The following CDAN1 variants were observed in gnomAD, a reference collection of about 807,000 sequenced individuals.
CDAN1 encodes the protein codanin 1.
A neutral mutation model predicts 139.8 loss-of-function variants in CDAN1; 107 were observed. The observed-to-expected ratio is 0.77, with a 90% CI of 0.65 to 0.90. CDAN1 has a LOEUF of 0.90. CDAN1 is among the 40% of genes least tolerant of loss of function. CDAN1 has a pLI of 0.00. For missense variants in CDAN1, 1,667 were observed against 1,575.7 expected (o/e 1.06, Z -0.98); for synonymous variants, 776 against 660.6 (o/e 1.17, Z -2.68).
At chr15:42,732,071 G>A (rs991547214) in intron 10 of CDAN1, among the ~76,000 whole-genome samples, 28 of 152,204 alleles carry the variant, frequency 1.8e-4, no homozygotes, top group Admixed American at 1.8e-3. Context: ...TACTTACTAA[G>A]CCTGGGCTCT....
rs142872973 is a variant in CDAN1, at chr15:42,727,523, T to C, written c.3096+98A>G. On this transcript the variant is annotated intron_variant, in intron 23 of 27. Coordinates refer to ENST00000356231, the MANE Select transcript of CDAN1 (RefSeq NM_138477.4). ...CTAGCTGGACAGCACAGACAGCTTC[T>C]ACATAAAAATCCTGGAGCTGATGTG... is the stretch of plus-strand genomic sequence containing the variant. 3.5e-3 allele frequency: 4,081 copies of C among 1,162,940 alleles called. 57 individuals carry two copies. Among genetic ancestry groups the C allele is most frequent in the Non-Finnish European group, 2.1e-3 (1,769 of 836,546 alleles). 72.0% of individuals were successfully genotyped at this position (1,162,940 alleles called of 1,614,324 possible).
Position 42,730,620 on chromosome 15 carries a change from T to G in CDAN1, c.2152A>C (p.Thr718Pro). The change falls in exon 14 of 28, where the codon ACT becomes CCT. Residue 718 changes from threonine (T) to proline (P), a missense_variant. By Grantham distance (38) the Thr-to-Pro change is conservative. Around this residue, in one of 3 missense-constraint regions of CDAN1, gnomAD observed 936 missense variants for 844.1 expected, o/e 1.11. Transcript: ENST00000356231. Reference sequence around the variant, plus strand: ...CACCGGTGCAGGCGCAGCAGGAGAGTGAAGATGTCCCGGTAATATTCCAGC... The same window carrying G: ...CACCGGTGCAGGCGCAGCAGGAGAGGGAAGATGTCCCGGTAATATTCCAGC... ...PLLEYYRDIF[T>P]LLLRLHRSLV... 6.2e-7 allele frequency: 1 copy of G among 1,613,818 alleles called. No homozygotes were observed. The highest frequency in any genetic ancestry group is 1.3e-5 in the African/African-American group (1 of 74,920).
chr15:42,728,476 G>C (rs1346459360), intron 20 of CDAN1, among the ~76,000 whole-genome samples, 176 bp downstream of exon 20: 8 of 147,380 alleles, frequency 5.4e-5, no homozygotes, highest in Non-Finnish European at 1.1e-4. Flanking sequence ...ACCTAGGTTT[G>C]GCTTTTGTGC....
At position 42,729,603 on chromosome 15, in the gene CDAN1, T is replaced by G; in HGVS notation, c.2372A>C (p.Asp791Ala). 1 of 1,614,024 alleles carries G rather than the reference T, an allele frequency of 6.2e-7. No individual in the cohort carries two copies. The change falls in exon 17 of 28, where the codon GAC becomes GCC. Residue 791 changes from aspartate (D) to alanine (A), a missense_variant. Physicochemically the swap from Asp to Ala is moderately radical, Grantham distance 126 (BLOSUM62 -2). Transcript: ENST00000356231. Reference protein sequence around the residue: ...EHGLDNAPVVDQQLLYTCCPY... With the variant: ...EHGLDNAPVVAQQLLYTCCPY... The stretch of plus-strand genomic sequence containing the variant: ...GCAGCAGGTGTAGAGCAGCTGCTGG[T>G]CCACCACAGGCGCATTGTCCTGGGG...
At chr15:42,732,920 C>T (rs762102035) in intron 9 of CDAN1, among the ~76,000 whole-genome samples, 177 bp downstream of exon 9, 1 of 152,218 alleles carries the variant, frequency 6.6e-6, no homozygotes, top group Non-Finnish European at 1.5e-5. Context: ...TGGAGAGACA[C>T]ATCCCTTTCG....
Position 42,724,522 on chromosome 15 carries a change from G to A in CDAN1, c.3653C>T (p.Pro1218Leu), listed in dbSNP as rs1481281743. ...CTGGGCCAGCACAGTGCCCCGGTTT[G>A]GCTGCACCAACTCACAGGCTCTTAG... ...PQLRACELVQPNRGTVLAQS is the reference protein window; with the variant it reads ...PQLRACELVQLNRGTVLAQS The change falls in exon 28 of 28, where the codon CCA (proline) becomes CTA (leucine). Residue 1218 changes from proline (P) to leucine (L), a missense_variant. Transcript: ENST00000356231. 6.4e-7 allele frequency: 1 copy of A among 1,572,626 alleles called. No homozygotes were observed. Among genetic ancestry groups the A allele is most frequent in the Non-Finnish European group, 8.6e-7 (1 of 1,157,774 alleles).
chr15:42,728,136 C>T, intron 21 of CDAN1, 68 bp downstream of exon 21: 1 of 1,595,676 alleles, frequency 6.3e-7, no homozygotes, highest in Non-Finnish European at 8.6e-7. Flanking sequence ...CTCCCGCAGC[C>T]TCAGACTACT....
Position 42,724,624 on chromosome 15 carries a change from A to C in CDAN1, c.3559-8T>G, listed in dbSNP as rs1355353310. On this transcript the variant is annotated splice_polypyrimidine_tract_variant and splice_region_variant and intron_variant, in intron 27 of 27. Transcript: ENST00000356231. ...TAATTCTTCAGCAAAGTCCTGGAAT[A>C]CATAGAAAGATGAGGGAAAAGGCAG... 6.4e-7 allele frequency: 1 copy of C among 1,552,010 alleles called. No homozygotes were observed. Among genetic ancestry groups the C allele is most frequent in the Non-Finnish European group, 8.7e-7 (1 of 1,146,992 alleles).
Position 42,729,072 on chromosome 15 carries a change from C to CGGTCCGGCGCAA in CDAN1, c.2584_2595dup (p.Leu862_Thr865dup). 4 of 1,614,216 alleles carry CGGTCCGGCGCAA rather than the reference C, an allele frequency of 2.5e-6. No individual in the cohort carries two copies. Among genetic ancestry groups the CGGTCCGGCGCAA allele is most frequent in the Non-Finnish European group, 3.4e-6 (4 of 1,180,042 alleles). ...CCAATTCTTTCTGCCACGAACTCTACGGTCCGGCGCAAGGAGGGCGGCTGG... is the reference window on the plus strand; with the variant it reads ...CCAATTCTTTCTGCCACGAACTCTACGGTCCGGCGCAAGGTCCGGCGCAAGGAGGGCGGCTGG... On this transcript the variant is annotated inframe_insertion, in exon 19 of 28. Transcript: ENST00000356231.
Position 42,730,233 on chromosome 15 carries a change from A to C in CDAN1, c.2175-18T>G, listed in dbSNP as rs1566983601. On this transcript the variant is annotated intron_variant, in intron 14 of 27. Coordinates refer to ENST00000356231, the MANE Select transcript of CDAN1 (RefSeq NM_138477.4). The stretch of plus-strand genomic sequence containing the variant: ...CCAAGCTCCTGAAACATCAATGGGC[A>C]GTACACGGGTTTGAGCAGAAAGGGG... The C allele has an allele frequency of 2.5e-6, 4 of 1,609,170 alleles. No homozygotes were observed. The highest frequency in any genetic ancestry group is 3.4e-6 in the Non-Finnish European group (4 of 1,175,448).
At chr15:42,727,477 C>A in intron 23 of CDAN1, 144 bp downstream of exon 23, 1 of 714,740 alleles carries the variant, frequency 1.4e-6, no homozygotes, top group Non-Finnish European at 2.2e-6. Flanking sequence ...AACCCCCATT[C>A]AGTAATGAGT....
chr15:42,725,602 G>A lies in CDAN1; in HGVS notation c.3337C>T (p.Leu1113Phe). 1.9e-6 allele frequency: 3 copies of A among 1,614,160 alleles called. No homozygotes were observed. The highest frequency in any genetic ancestry group is 2.5e-6 in the Non-Finnish European group (3 of 1,180,036). ...YRLERGQARR[L>F]LHMLLSLWKE... ...CACAAGGAAAGCAGCATGTGCAGAAGCCTTCGAGCCTGCCCTCTCTCCAGC... is the reference window on the plus strand; with the variant it reads ...CACAAGGAAAGCAGCATGTGCAGAAACCTTCGAGCCTGCCCTCTCTCCAGC... The change falls in exon 26 of 28, where the codon CTT (leucine) becomes TTT (phenylalanine). Residue 1113 changes from leucine to phenylalanine, a missense_variant. Transcript: ENST00000356231.
At chr15:42,725,305 T>A in intron 26 of CDAN1, 54 bp from the exon 27 acceptor site, 3 of 1,545,976 alleles carry the variant, frequency 1.9e-6, no homozygotes, top group Non-Finnish European at 2.7e-6. Context: ...GTGACCCTGA[T>A]GACAGAGATT....
In CDAN1 at chr15:42,725,571, T is replaced by G. The variant is rs1477165176; in HGVS notation, c.3368A>C (p.Glu1123Ala). 4 of 1,614,004 alleles carry G rather than the reference T, an allele frequency of 2.5e-6. No homozygotes were observed. The highest frequency in any genetic ancestry group is 2.2e-5 in the East Asian group (1 of 44,890). ...CAGCGGAACCGGCCCCTGAAAGTCT[T>G]CCTTCCACAAGGAAAGCAGCATGTG... is the stretch of plus-strand genomic sequence containing the variant. ...LLHMLLSLWK[E>A]DFQGPVPLQL... Residue 1123 changes from glutamate (E) to alanine (A), a missense_variant, in exon 26 of 28, where the codon GAA (glutamate) becomes GCA (alanine). Physicochemically the swap from Glu to Ala is moderately radical, Grantham distance 107 (BLOSUM62 -1). This residue lies in a region of CDAN1 where 936 missense variants were observed against 844.1 expected (regional missense o/e 1.11). Coordinates refer to ENST00000356231, the MANE Select transcript of CDAN1 (RefSeq NM_138477.4).
Position 42,736,796 on chromosome 15 carries a change from A to G in CDAN1, c.91-16T>C. The G allele has an allele frequency of 1.3e-6, 2 of 1,518,680 alleles. No homozygotes were observed. The highest frequency in any genetic ancestry group is 8.8e-7 in the Non-Finnish European group (1 of 1,140,158). 94.1% of individuals were successfully genotyped at this position (1,518,680 alleles called of 1,614,324 possible). A position where few individuals can be genotyped will look rare whatever the true frequency, so the allele number is the denominator to read the frequency against. The stretch of plus-strand genomic sequence containing the variant: ...CAGCGTTATCCTAGGGCAGAAGCAC[A>G]GGTGGAGGGGCGAGAGGGTCAGCCG... On this transcript the variant is annotated splice_polypyrimidine_tract_variant and intron_variant, in intron 1 of 27. Transcript: ENST00000356231.
In CDAN1 at chr15:42,732,336, G is replaced by A. The variant is rs1483821357; in HGVS notation, c.1530C>T (p.Leu510=). The A allele has an allele frequency of 1.9e-6, 3 of 1,613,976 alleles. No individual in the cohort carries two copies. Among genetic ancestry groups the A allele is most frequent in the Non-Finnish European group, 2.5e-6 (3 of 1,179,846 alleles). The change falls in exon 10 of 28, where the codon CTC becomes CTT. Residue 510 remains leucine, a synonymous_variant. Coordinates refer to ENST00000356231, the MANE Select transcript of CDAN1 (RefSeq NM_138477.4). ...AATCTCTTGCTGGGGCTGTTACCTGGAGTAGTTGTTTTTGGAAAAGCCGAA... is the reference window on the plus strand; with the variant it reads ...AATCTCTTGCTGGGGCTGTTACCTGAAGTAGTTGTTTTTGGAAAAGCCGAA... ...HFVRLFQKQL[L]QMCQSPGGAG...
Position 42,736,764 on chromosome 15 carries a change from G to C in CDAN1, c.107C>G (p.Ala36Gly), listed in dbSNP as rs552114001. ...GGCCCGGAGTGAGCTCAGCGCGGCCGCCTCCCCAGCGTTATCCTAGGGCAG... is the reference window on the plus strand; with the variant it reads ...GGCCCGGAGTGAGCTCAGCGCGGCCCCCTCCCCAGCGTTATCCTAGGGCAG... The part of the protein sequence containing the change: ...TQGSEDNAGE[A>G]AALSSLRALR... The change falls in exon 2 of 28, where the codon GCG (alanine) becomes GGG (glycine). Residue 36 changes from alanine to glycine, a missense_variant. Coordinates refer to ENST00000356231, the MANE Select transcript of CDAN1 (RefSeq NM_138477.4). 14 of 1,547,816 alleles carry C rather than the reference G, an allele frequency of 9.0e-6. No individual in the cohort carries two copies. The South Asian group carries it at 1.6e-4, about 17-fold the overall frequency.
intron 2 of CDAN1, 111 bp downstream of exon 2, chr15:42,736,191 A>G: frequency 3.8e-6 from 6 of 1,571,910 alleles, no homozygotes; most frequent in Non-Finnish European, 5.2e-6. Context: ...CCTCACCATC[A>G]CCCCCAGCCT....
chr15:42,735,411 A>T, intron 4 of CDAN1, 37 bp from the exon 5 acceptor site: 1 of 1,587,870 alleles, frequency 6.3e-7, no homozygotes, highest in Non-Finnish European at 8.6e-7. Flanking sequence ...TGGTATGGGC[A>T]CCATTTGGAG....
Sources: allele counts gnomAD v4.1 joint callset (sites outside exome capture counted in the v4.1 genomes callset), GRCh38; gene constraint gnomAD v4.1.1; regional missense constraint gnomAD v4.1.1; transcripts MANE v1.5; gene names NCBI Gene and HGNC (gene_info 2026-07-23, HGNC 2026-07-21).